SGCZ: variants seen among roughly 807,000 people sequenced by gnomAD.
The protein encoded by SGCZ is zeta-sarcoglycan.
A neutral mutation model predicts 41.3 loss-of-function variants in SGCZ; 40 were observed. The ratio of observed to expected loss-of-function variants is 0.97; its 90% confidence interval spans 0.75 to 1.26. The LOEUF (loss-of-function observed/expected upper bound fraction) is 1.26. Among genes scored for constraint, SGCZ ranks in the 50% most tolerant of loss-of-function variants. SGCZ has a pLI of 0.00. For missense variants in SGCZ, 552 were observed against 369.8 expected (o/e 1.49, Z -4.04); for synonymous variants, 206 against 137.5 (o/e 1.50, Z -3.49).
At chr8:14,208,263 T>C (rs1805682574) in intron 4 of SGCZ, among the ~76,000 whole-genome samples, 3 of 152,214 alleles carry the variant, frequency 2.0e-5, no homozygotes, top group Non-Finnish European at 4.4e-5. Flanking sequence ...GCAATGCATA[T>C]AATTAACAGG....
Position 14,222,540 on chromosome 8 carries a change from C to T in SGCZ, c.424+15052G>A, listed in dbSNP as rs114979829. Among the ~76,000 whole-genome samples, 440 of 152,114 alleles carry T rather than the reference C, an allele frequency of 2.9e-3. 4 individuals carry two copies. The highest frequency in any genetic ancestry group is 0.01 in the African/African-American group (428 of 41,498). On this transcript the variant is annotated intron_variant, in intron 4 of 7. Transcript: ENST00000382080. Reference sequence around the variant, plus strand: ...TTTCATGCATATAAATCAGTAAATCCTTCCTTCTGCAGCTTCTGACAGATT... The same window carrying T: ...TTTCATGCATATAAATCAGTAAATCTTTCCTTCTGCAGCTTCTGACAGATT...
At chr8:14,808,112 TA>T (rs1274929346) in intron 1 of SGCZ, among the ~76,000 whole-genome samples, 1 of 152,084 alleles carries the variant, frequency 6.6e-6, no homozygotes, top group Non-Finnish European at 1.5e-5. Context: ...ACGTTAGACC[TA>T]AAACCATAAA....
intron 1 of SGCZ, among the ~76,000 whole-genome samples, chr8:14,807,666 T>C (rs944223451): frequency 2.0e-5 from 3 of 151,754 alleles, no homozygotes; most frequent in African/African-American, 7.3e-5. Flanking sequence ...CAAGGTAATT[T>C]ACAGATTCAA....
intron 1 of SGCZ, among the ~76,000 whole-genome samples, chr8:14,819,220 A>G (rs967705394): frequency 2.0e-5 from 3 of 152,170 alleles, no homozygotes; most frequent in African/African-American, 4.8e-5. Context: ...CCATTAGACT[A>G]TCAGAAGATT....
intron 1 of SGCZ, among the ~76,000 whole-genome samples, chr8:14,747,372 G>C (rs1404289544): frequency 1.3e-5 from 2 of 152,108 alleles, no homozygotes; most frequent in Non-Finnish European, 2.9e-5. Flanking sequence ...GTTACTGGTG[G>C]CCTGGCCATA....
At chr8:14,881,378 C>T (rs548551044) in intron 1 of SGCZ, among the ~76,000 whole-genome samples, 1 of 152,098 alleles carries the variant, frequency 6.6e-6, no homozygotes, top group Non-Finnish European at 1.5e-5. Flanking sequence ...CCCCCATACA[C>T]CATGTCGGTG....
intron 1 of SGCZ, among the ~76,000 whole-genome samples, chr8:14,984,826 T>A (rs1260193356): frequency 6.6e-6 from 1 of 152,200 alleles, no homozygotes; most frequent in African/African-American, 2.4e-5. Context: ...TAGTGTAGTT[T>A]AGCATTTTGT....
chr8:15,224,228 C>G (rs1185281901), intron 1 of SGCZ, among the ~76,000 whole-genome samples: 1 of 152,106 alleles, frequency 6.6e-6, no homozygotes, highest in African/African-American at 2.4e-5. Flanking sequence ...TATTTTTCTT[C>G]TTTCATAAAG....
At chr8:15,116,171 T>A (rs1021494007) in intron 1 of SGCZ, among the ~76,000 whole-genome samples, 2 of 152,262 alleles carry the variant, frequency 1.3e-5, no homozygotes, top group South Asian at 2.1e-4. Flanking sequence ...TGGTGCTACA[T>A]CCCATACAAC....
rs1053404011 is a variant in SGCZ, at chr8:14,645,969, A to G, written c.40-91043T>C. Among the ~76,000 whole-genome samples, 10 of 152,002 alleles carry G rather than the reference A, an allele frequency of 6.6e-5. No homozygotes were observed. The South Asian group carries it at 2.1e-3, about 32-fold the overall frequency. On this transcript the variant is annotated intron_variant, in intron 1 of 7. Coordinates refer to ENST00000382080, the MANE Select transcript of SGCZ (RefSeq NM_139167.4). Reference sequence around the variant, plus strand: ...ACTATGCACAACTTTATTCTATAAAAACGAGAAAAATTGGAAATTCAGAAT... The same window carrying G: ...ACTATGCACAACTTTATTCTATAAAGACGAGAAAAATTGGAAATTCAGAAT...
At position 14,808,330 on chromosome 8, in the gene SGCZ, C is replaced by T. The variant is rs1801619277; in HGVS notation, c.40-253404G>A. Among the ~76,000 whole-genome samples the T allele has an allele frequency of 4.6e-5, 7 of 152,206 alleles. No individual in the cohort carries two copies. In the South Asian group the frequency reaches 1.5e-3, roughly 32 times the overall value. On this transcript the variant is annotated intron_variant, in intron 1 of 7. Transcript: ENST00000382080. Reference sequence around the variant, plus strand: ...TGGGAGAAAATTTTCGCAACCTACTCATCTGACAAAGGGCTAATATCCAGA... The same window carrying T: ...TGGGAGAAAATTTTCGCAACCTACTTATCTGACAAAGGGCTAATATCCAGA...
At chr8:14,141,921 G>T (rs1035915050) in intron 5 of SGCZ, among the ~76,000 whole-genome samples, 81 of 152,152 alleles carry the variant, frequency 5.3e-4, no homozygotes, top group African/African-American at 1.9e-3. Flanking sequence ...CAACCAAAAT[G>T]TCCAACAATG....
intron 2 of SGCZ, among the ~76,000 whole-genome samples, chr8:14,417,731 T>C (rs570660955): frequency 6.6e-6 from 1 of 151,922 alleles, no homozygotes; most frequent in Non-Finnish European, 1.5e-5. Flanking sequence ...GAACTTGTTT[T>C]ACACAAAAAA....
At chr8:14,869,360 C>T (rs1804058423) in intron 1 of SGCZ, among the ~76,000 whole-genome samples, 1 of 152,096 alleles carries the variant, frequency 6.6e-6, no homozygotes, top group Non-Finnish European at 1.5e-5. Flanking sequence ...TCAATAGATG[C>T]AGAAAAATCC....
chr8:14,404,565 G>C (rs920488246), intron 2 of SGCZ, among the ~76,000 whole-genome samples: 1 of 152,140 alleles, frequency 6.6e-6, no homozygotes, highest in African/African-American at 2.4e-5. Flanking sequence ...TAGATGTTGC[G>C]TTATTTTTCT....
chr8:15,035,509 G>C (rs1441816664), intron 1 of SGCZ, among the ~76,000 whole-genome samples: 1 of 152,088 alleles, frequency 6.6e-6, no homozygotes, highest in East Asian at 1.9e-4. Context: ...ATAAATATTT[G>C]CCTTAAATGT....
intron 2 of SGCZ, among the ~76,000 whole-genome samples, chr8:14,401,188 C>A (rs1380144404): frequency 6.6e-6 from 1 of 152,122 alleles, no homozygotes; most frequent in Non-Finnish European, 1.5e-5. Context: ...CAATTTCTTA[C>A]CTTTCTTTGC....
At chr8:14,594,390 A>C (rs1805342448) in intron 1 of SGCZ, among the ~76,000 whole-genome samples, 1 of 151,848 alleles carries the variant, frequency 6.6e-6, no homozygotes, top group East Asian at 1.9e-4. Context: ...TGAAAACTGG[A>C]AGATCTGGGT....
intron 1 of SGCZ, among the ~76,000 whole-genome samples, chr8:15,125,708 T>C (rs1807653336): frequency 6.6e-6 from 1 of 152,220 alleles, no homozygotes; most frequent in South Asian, 2.1e-4. Context: ...TGTTTTATAA[T>C]AAATGACTGT....
Sources: gnomAD v4.1 joint callset for allele counts (sites outside exome capture counted in the v4.1 genomes callset) on GRCh38, gnomAD v4.1.1 for gene constraint, MANE v1.5 for transcripts, NCBI Gene and HGNC (gene_info 2026-07-23, HGNC 2026-07-21) for gene names.